The following LSAMP variants were observed in gnomAD, a reference collection of about 807,000 sequenced individuals.
LSAMP encodes the protein limbic system associated membrane protein.
A neutral mutation model predicts 38.6 loss-of-function variants in LSAMP; 7 were observed. The ratio of observed to expected loss-of-function variants is 0.18; its 90% CI spans 0.10 to 0.34. LSAMP has a LOEUF of 0.34. Ranked by LOEUF, LSAMP falls within the 10% of genes least tolerant of loss-of-function variation. LSAMP has a pLI of 1.00. For synonymous variants in LSAMP, 154 were observed against 166.8 expected (o/e 0.92, Z 0.59); for missense variants, 313 against 420.0 (o/e 0.75, Z 2.23).
intron 1 of LSAMP, among the ~76,000 whole-genome samples, chr3:116,216,209 C>A (rs2046216791): frequency 6.6e-6 from 1 of 152,082 alleles, no homozygotes; most frequent in Non-Finnish European, 1.5e-5. Flanking sequence ...CTTCTTTTAA[C>A]CTTTTTATTT....
intron 6 of LSAMP, among the ~76,000 whole-genome samples, chr3:115,835,646 A>G (rs985819460): frequency 6.6e-6 from 1 of 152,248 alleles, no homozygotes; most frequent in Non-Finnish European, 1.5e-5. Context: ...GTGCATATTC[A>G]AATCTGATAG....
At chr3:116,195,177 C>A (rs1710853923) in intron 1 of LSAMP, among the ~76,000 whole-genome samples, 1 of 152,134 alleles carries the variant, frequency 6.6e-6, no homozygotes, top group African/African-American at 2.4e-5. Flanking sequence ...CTCCAGTAAC[C>A]CCAATTCCCC....
At chr3:116,010,217 C>T (rs1266228214) in intron 3 of LSAMP, among the ~76,000 whole-genome samples, 1 of 152,054 alleles carries the variant, frequency 6.6e-6, no homozygotes, top group Non-Finnish European at 1.5e-5. Context: ...GTACCCAGCC[C>T]AACATTTCAC....
At chr3:115,969,831 C>A (rs180766136) in intron 3 of LSAMP, among the ~76,000 whole-genome samples, 1 of 152,198 alleles carries the variant, frequency 6.6e-6, no homozygotes, top group Non-Finnish European at 1.5e-5. Flanking sequence ...AAATGCACAC[C>A]AGTTGGGGTC....
intron 1 of LSAMP, among the ~76,000 whole-genome samples, chr3:116,104,832 A>C (rs779252014): frequency 6.6e-6 from 1 of 152,198 alleles, no homozygotes; most frequent in Non-Finnish European, 1.5e-5. Context: ...AAGACCTTAC[A>C]GACATTCCTT....
chr3:116,348,970 G>A (rs759924709), intron 1 of LSAMP, among the ~76,000 whole-genome samples: 1 of 152,032 alleles, frequency 6.6e-6, no homozygotes, highest in Admixed American at 6.6e-5. Context: ...GCAGTATCTT[G>A]GTTCAGACTG....
At chr3:116,066,893 A>G (rs1401154919) in intron 2 of LSAMP, among the ~76,000 whole-genome samples, 9 of 151,946 alleles carry the variant, frequency 5.9e-5, no homozygotes, top group Non-Finnish European at 1.2e-4. Flanking sequence ...TTTTTATCCA[A>G]TGTGCCTGCC....
chr3:116,285,515 T>C (rs1014143700), intron 1 of LSAMP, among the ~76,000 whole-genome samples: 4 of 151,518 alleles, frequency 2.6e-5, no homozygotes, highest in African/African-American at 9.8e-5. Context: ...TCTGCTCTAA[T>C]GTAACTGCTC....
chr3:116,343,668 T>C (rs576283631), intron 1 of LSAMP, among the ~76,000 whole-genome samples: 1 of 152,208 alleles, frequency 6.6e-6, no homozygotes, highest in African/African-American at 2.4e-5. Flanking sequence ...GTGTTGATTA[T>C]TAATGGCTAA....
chr3:116,122,953 A>G lies in LSAMP; in HGVS notation c.156-36397T>C, dbSNP rs116778768. Among the ~76,000 whole-genome samples the G allele has an allele frequency of 9.6e-3, 1,462 of 152,332 alleles. 24 individuals carry two copies. The highest frequency in any genetic ancestry group is 0.033 in the African/African-American group (1,374 of 41,578). On this transcript the variant is annotated intron_variant, in intron 1 of 6. Transcript: ENST00000490035. ...ATGGCTTTGAAAGACTTTTAAATAA[A>G]TAGCTGTATAGTGATAAAAGATACA...
At chr3:116,068,733 C>G (rs751705102) in intron 2 of LSAMP, among the ~76,000 whole-genome samples, 2 of 152,170 alleles carry the variant, frequency 1.3e-5, no homozygotes, top group Non-Finnish European at 2.9e-5. Flanking sequence ...TGCATCCTCT[C>G]CTGTGAACTT....
chr3:115,890,320 A>T (rs1936563712), intron 3 of LSAMP, among the ~76,000 whole-genome samples: 1 of 151,926 alleles, frequency 6.6e-6, no homozygotes, highest in African/African-American at 2.4e-5. Flanking sequence ...AGATAGTCAT[A>T]TAGTCATGTA....
In LSAMP at chr3:116,260,588, G is replaced by T. The variant is rs188808813; in HGVS notation, c.156-174032C>A. The stretch of plus-strand genomic sequence containing the variant: ...TTTGAGACCACGGCATAATCTTCTA[G>T]GGCTTTAGTAACTGCACTTGGACAC... On this transcript the variant is annotated intron_variant, in intron 1 of 6. Transcript: ENST00000490035. Among the ~76,000 whole-genome samples, 396 of 152,220 alleles carry T rather than the reference G, an allele frequency of 2.6e-3. 2 individuals carry two copies. The highest frequency in any genetic ancestry group is 9.0e-3 in the African/African-American group (372 of 41,530).
At chr3:116,287,134 GAC>G (rs2047205350) in intron 1 of LSAMP, among the ~76,000 whole-genome samples, 4 of 152,078 alleles carry the variant, frequency 2.6e-5, no homozygotes, top group Admixed American at 1.3e-4. Context: ...AACTGTTTAA[GAC>G]TTGGTGATGT....
intron 2 of LSAMP, among the ~76,000 whole-genome samples, chr3:116,041,845 G>T (rs542289008): frequency 6.6e-6 from 1 of 151,138 alleles, no homozygotes; most frequent in East Asian, 1.9e-4. Context: ...TTTTAAAATG[G>T]AATACATCAT....
intron 3 of LSAMP, among the ~76,000 whole-genome samples, chr3:115,977,663 C>A (rs960743492): frequency 6.6e-6 from 1 of 151,368 alleles, no homozygotes; most frequent in African/African-American, 2.4e-5. Flanking sequence ...AATATCTCCT[C>A]CTTATTGTCC....
intron 1 of LSAMP, among the ~76,000 whole-genome samples, chr3:116,104,955 C>T (rs144262812): frequency 4.1e-4 from 62 of 152,290 alleles, no homozygotes; most frequent in African/African-American, 1.3e-3. Context: ...GGCAGGAGCA[C>T]AGCGGTGGAA....
chr3:116,368,629 G>A (rs1178060568), intron 1 of LSAMP, among the ~76,000 whole-genome samples: 3 of 152,152 alleles, frequency 2.0e-5, no homozygotes, highest in Non-Finnish European at 2.9e-5. Context: ...GTTTCAACAA[G>A]CTGTTTCAGT....
chr3:115,882,285 A>G (rs934988045), intron 3 of LSAMP, among the ~76,000 whole-genome samples: 2 of 152,070 alleles, frequency 1.3e-5, no homozygotes, highest in Admixed American at 1.3e-4. Context: ...CCCACCTTGT[A>G]CCAGGTGCTG....
Sources: allele counts gnomAD v4.1 joint callset (sites outside exome capture counted in the v4.1 genomes callset), GRCh38; gene constraint gnomAD v4.1.1; transcripts MANE v1.5; gene names NCBI Gene and HGNC (gene_info 2026-07-23, HGNC 2026-07-21).